Variants in PTPRD observed in about 807,000 individuals in gnomAD.
PTPRD encodes the protein protein tyrosine phosphatase receptor type D, also known as receptor-type tyrosine-protein phosphatase delta.
A neutral mutation model predicts 214.5 loss-of-function variants in PTPRD; 34 were observed. The ratio of observed to expected loss-of-function variants is 0.16; its 90% CI spans 0.12 to 0.21. The LOEUF (loss-of-function observed/expected upper bound fraction) is 0.21. Among genes scored for constraint, PTPRD ranks in the 10% least tolerant of loss-of-function variants. The probability of loss-of-function intolerance (pLI) is 1.00; values close to 1 mark genes in which losing one functional copy is unlikely to be tolerated. For synonymous variants in PTPRD, 1,128 were observed against 845.7 expected (o/e 1.33, Z -5.79); for missense variants, 2,545 against 2,398.7 (o/e 1.06, Z -1.27).
chr9:9,276,012 C>G (rs73641286), intron 9 of PTPRD, among the ~76,000 whole-genome samples: 13 of 151,212 alleles, frequency 8.6e-5, no homozygotes, highest in Non-Finnish European at 1.5e-4. Flanking sequence ...ACAAATTTCT[C>G]GGGATAATAA....
chr9:9,327,576 G>C (rs188808820), intron 9 of PTPRD, among the ~76,000 whole-genome samples: 3 of 152,088 alleles, frequency 2.0e-5, no homozygotes, highest in Admixed American at 2.0e-4. Flanking sequence ...ATGACAGATA[G>C]TAATAACATC....
chr9:10,122,057 C>T (rs1019288243), intron 3 of PTPRD, among the ~76,000 whole-genome samples: 2 of 152,208 alleles, frequency 1.3e-5, no homozygotes, highest in African/African-American at 4.8e-5. Context: ...CCTGTAATCC[C>T]AGCATTGTGG....
intron 14 of PTPRD, among the ~76,000 whole-genome samples, chr9:8,548,385 T>A (rs911080291): frequency 6.6e-6 from 1 of 152,020 alleles, no homozygotes; most frequent in African/African-American, 2.4e-5. Flanking sequence ...GTTTTTTTTT[T>A]GAGAGAGGTG....
intron 33 of PTPRD, among the ~76,000 whole-genome samples, chr9:8,452,777 A>T (rs2096011105): frequency 6.6e-6 from 1 of 152,182 alleles, no homozygotes; most frequent in Non-Finnish European, 1.5e-5. Flanking sequence ...GTAATACACA[A>T]TACAAATGCT....
At chr9:10,066,923 T>A (rs1175606257) in intron 3 of PTPRD, among the ~76,000 whole-genome samples, 2 of 151,672 alleles carry the variant, frequency 1.3e-5, no homozygotes, top group African/African-American at 4.8e-5. Flanking sequence ...TCACTCCTTG[T>A]CTAAACTGTT....
chr9:9,262,642 T>G (rs1478803845), intron 9 of PTPRD, among the ~76,000 whole-genome samples: 1 of 151,778 alleles, frequency 6.6e-6, no homozygotes, highest in African/African-American at 2.4e-5. Flanking sequence ...CTTACTATCA[T>G]CATTCACTTA....
At chr9:8,435,674 G>T (rs2095313970) in intron 35 of PTPRD, among the ~76,000 whole-genome samples, 1 of 150,498 alleles carries the variant, frequency 6.6e-6, no homozygotes, top group African/African-American at 2.5e-5. Context: ...ATAACTTTTT[G>T]ATTGATATAT....
intron 9 of PTPRD, among the ~76,000 whole-genome samples, chr9:9,225,631 C>T (rs893097532): frequency 9.2e-5 from 14 of 152,150 alleles, no homozygotes; most frequent in Non-Finnish European, 1.6e-4. Context: ...GAGAAACTTA[C>T]CTTGAGACAT....
intron 11 of PTPRD, among the ~76,000 whole-genome samples, chr9:8,898,338 G>T (rs1481779485): frequency 6.6e-6 from 1 of 152,056 alleles, no homozygotes; most frequent in Non-Finnish European, 1.5e-5. Context: ...GGGGATAGAG[G>T]GGAAGGAGAA....
chr9:8,784,211 A>C (rs2095849452), intron 11 of PTPRD, among the ~76,000 whole-genome samples: 1 of 152,204 alleles, frequency 6.6e-6, no homozygotes, highest in African/African-American at 2.4e-5. Flanking sequence ...TGCTGAAATA[A>C]ACTTATTTCA....
intron 4 of PTPRD, among the ~76,000 whole-genome samples, chr9:9,941,430 C>G (rs1456406603): frequency 6.6e-6 from 1 of 152,186 alleles, no homozygotes; most frequent in Admixed American, 6.5e-5. Context: ...TCAAGTGATT[C>G]TCCTGCCTAA....
At chr9:10,017,692 C>T (rs758483176) in intron 4 of PTPRD, among the ~76,000 whole-genome samples, 71 of 152,158 alleles carry the variant, frequency 4.7e-4, no homozygotes, top group Middle Eastern at 3.4e-3. Flanking sequence ...CTCTGGCAAT[C>T]GCATCTCTTT....
At chr9:9,766,230 C>G (rs1025107834) in intron 6 of PTPRD, among the ~76,000 whole-genome samples, 1 of 152,056 alleles carries the variant, frequency 6.6e-6, no homozygotes, top group East Asian at 1.9e-4. Context: ...TTAATAACAT[C>G]TTTTTTCATG....
chr9:9,393,925 C>T lies in PTPRD; in HGVS notation c.-203+3524G>A, dbSNP rs1358527359. 9.2e-5 allele frequency among the ~76,000 whole-genome samples: 14 copies of T among 152,254 alleles called. No individual in the cohort carries two copies. In the East Asian group the frequency reaches 1.7e-3, roughly 19 times the overall value. On this transcript the variant is annotated intron_variant, in intron 9 of 45. Coordinates refer to ENST00000381196, the MANE Select transcript of PTPRD (RefSeq NM_002839.4). ...ATAACTATTAGCACCCATGCCAACA[C>T]GAACTCCGCAACATTGCCACCAATA...
At chr9:8,415,688 A>C (rs1011428139) in intron 35 of PTPRD, among the ~76,000 whole-genome samples, 25 of 152,200 alleles carry the variant, frequency 1.6e-4, no homozygotes, top group African/African-American at 6.0e-4. Context: ...ACATATCTAA[A>C]AAAATGCTGT....
At chr9:10,329,768 T>A (rs1353120900) in intron 3 of PTPRD, among the ~76,000 whole-genome samples, 1 of 151,870 alleles carries the variant, frequency 6.6e-6, no homozygotes, top group Non-Finnish European at 1.5e-5. Flanking sequence ...CAATATTGAG[T>A]TCATGCTACA....
At chr9:9,028,657 T>C (rs1450368758) in intron 10 of PTPRD, among the ~76,000 whole-genome samples, 2 of 151,948 alleles carry the variant, frequency 1.3e-5, no homozygotes, top group Non-Finnish European at 2.9e-5. Flanking sequence ...CTAAGTGATA[T>C]GAGGTACAGA....
At chr9:8,553,589 TGA>T (rs1465521982) in intron 14 of PTPRD, among the ~76,000 whole-genome samples, 4 of 151,988 alleles carry the variant, frequency 2.6e-5, no homozygotes, top group Non-Finnish European at 5.9e-5. Flanking sequence ...AGAAAAGAAA[TGA>T]GAGAGGGGAA....
At chr9:8,323,249 G>A (rs1329065464) in intron 44 of PTPRD, among the ~76,000 whole-genome samples, 1 of 152,086 alleles carries the variant, frequency 6.6e-6, no homozygotes, top group African/African-American at 2.4e-5. Flanking sequence ...CAAGAGCTCT[G>A]GTGGAATGTA....
Sources: gnomAD v4.1 joint callset for allele counts (sites outside exome capture counted in the v4.1 genomes callset) on GRCh38, gnomAD v4.1.1 for gene constraint, MANE v1.5 for transcripts, NCBI Gene and HGNC (gene_info 2026-07-23, HGNC 2026-07-21) for gene names.